TMC7: variants seen among roughly 807,000 people sequenced by gnomAD.
TMC7 encodes transmembrane channel like 7.
A neutral mutation model predicts 82.9 loss-of-function variants in TMC7; 54 were observed. That is an observed-to-expected ratio of 0.65 (90% confidence interval 0.52 to 0.82). The LOEUF is 0.82. TMC7 is among the 40% of genes least tolerant of loss of function. The probability of loss-of-function intolerance (pLI) is 0.00; values close to 1 mark genes in which losing one functional copy is unlikely to be tolerated. For synonymous variants in TMC7, 350 were observed against 337.9 expected, an observed-to-expected ratio of 1.04 and a Z score of -0.39; for missense variants, 820 against 901.2, an observed-to-expected ratio of 0.91 and a Z score of 1.15.
chr16:19,047,712 G>T (rs1205151667), intron 12 of TMC7, among the ~76,000 whole-genome samples: 2 of 44,548 alleles, frequency 4.5e-5, no homozygotes, highest in Admixed American at 4.2e-4. Flanking sequence ...ACTCTTGATG[G>T]ATTTTTTTTT....
intron 1 of TMC7, among the ~76,000 whole-genome samples, chr16:18,989,467 G>A (rs12931957): frequency 0.28 from 41,119 of 144,378 alleles, 6,273 homozygotes; most frequent in Non-Finnish European, 0.34. Flanking sequence ...ATAACTTTTC[G>A]GCCTCTGACC....
intron 1 of TMC7, chr16:18,984,623 T>A: frequency 1.5e-6 from 1 of 655,524 alleles, no homozygotes; most frequent in Non-Finnish European, 1.9e-6. Context: ...CCTTCAGCAG[T>A]AAAATGGGAA....
At chr16:19,013,761 C>T (rs1392625225) in intron 2 of TMC7, among the ~76,000 whole-genome samples, 3 of 151,870 alleles carry the variant, frequency 2.0e-5, no homozygotes, top group East Asian at 3.9e-4. Flanking sequence ...TCAGGTGATC[C>T]ATCTGCCTTG....
chr16:18,983,989 A>T lies in TMC7; in HGVS notation c.-75A>T. The T allele has an allele frequency of 7.5e-7, 1 of 1,331,238 alleles. No individual in the cohort carries two copies. The highest frequency in any genetic ancestry group is 1.8e-5 in the South Asian group (1 of 54,794). 82.5% of individuals were successfully genotyped at this position (1,331,238 alleles called of 1,614,324 possible). A position where few individuals can be genotyped will look rare whatever the true frequency, so the allele number is the denominator to read the frequency against. On this transcript the variant is annotated 5_prime_UTR_variant, in exon 1 of 16. The change creates a new upstream start codon in the 5' untranslated region. Coordinates refer to ENST00000304381, the MANE Select transcript of TMC7 (RefSeq NM_024847.4). ...CCTGGAATCCCGGCTCCGCGAGGGA[A>T]GGCCGGGGAGGCGGCGGCGGCGGCG...
chr16:19,032,156 A>C lies in TMC7; in HGVS notation c.857+1787A>C, dbSNP rs147066618. Among the ~76,000 whole-genome samples the C allele has an allele frequency of 7.9e-5, 12 of 152,326 alleles. No homozygotes were observed. In the East Asian group the frequency reaches 2.3e-3, roughly 29 times the overall value. On this transcript the variant is annotated intron_variant, in intron 6 of 15. Transcript: ENST00000304381. ...TGATTGTCCCTGTGAGAGCATGCACAGTGTTGTAAGCCATGGAGCTGTGAA... is the reference window on the plus strand; with the variant it reads ...TGATTGTCCCTGTGAGAGCATGCACCGTGTTGTAAGCCATGGAGCTGTGAA...
chr16:19,044,876 C>G lies in TMC7; in HGVS notation c.1338-8C>G. 6.2e-7 allele frequency: 1 copy of G among 1,611,208 alleles called. No homozygotes were observed. Among genetic ancestry groups the G allele is most frequent in the South Asian group, 1.1e-5 (1 of 91,008 alleles). The stretch of plus-strand genomic sequence containing the variant: ...ATCTTCCCATCCTCTCTCCTTCTCT[C>G]CCCGAAGGTGTGTCTTTATGCGGCT... On this transcript the variant is annotated splice_polypyrimidine_tract_variant and splice_region_variant and intron_variant, in intron 9 of 15. Coordinates refer to ENST00000304381, the MANE Select transcript of TMC7 (RefSeq NM_024847.4).
intron 7 of TMC7, among the ~76,000 whole-genome samples, chr16:19,037,472 CTT>C (rs57300199): frequency 3.1e-5 from 4 of 130,268 alleles, no homozygotes; most frequent in African/African-American, 1.1e-4. Flanking sequence ...TAAAAGATGT[CTT>C]TTTTTTTTTT....
intron 1 of TMC7, among the ~76,000 whole-genome samples, chr16:19,000,708 A>T (rs1266545882): frequency 6.6e-6 from 1 of 152,140 alleles, no homozygotes; most frequent in African/African-American, 2.4e-5. Flanking sequence ...ATTTTTTGCC[A>T]GCTTTTTTTA....
At chr16:18,988,918 C>A (rs2038900645) in intron 1 of TMC7, among the ~76,000 whole-genome samples, 1 of 152,042 alleles carries the variant, frequency 6.6e-6, no homozygotes, top group African/African-American at 2.4e-5. Context: ...AGTGTGGTGG[C>A]ACATGCCTGT....
At position 19,009,224 on chromosome 16, in the gene TMC7, C is replaced by T. The variant is rs147375289; in HGVS notation, c.120C>T (p.Leu40=). The T allele has an allele frequency of 7.0e-5, 113 of 1,614,200 alleles. No homozygotes were observed. The Admixed American group carries it at 1.6e-3, about 23-fold the overall frequency. ...SCFSSPPVNF[L]QELPSYRSIA... ...TCTCTTCTCCACCTGTGAACTTCCT[C>T]CAAGAATTGCCAAGCTACCGGTCCA... The change falls in exon 2 of 16, where the codon CTC becomes CTT. Residue 40 remains leucine (L), a synonymous_variant. Transcript: ENST00000304381.
chr16:19,031,021 C>T (rs189509231), intron 6 of TMC7, among the ~76,000 whole-genome samples: 5 of 152,246 alleles, frequency 3.3e-5, no homozygotes, highest in Admixed American at 1.3e-4. Flanking sequence ...TATTGAGTGG[C>T]TCACAGATCC....
intron 13 of TMC7, among the ~76,000 whole-genome samples, chr16:19,053,307 CT>C (rs11409750): frequency 4.0e-5 from 6 of 148,420 alleles, no homozygotes; most frequent in African/African-American, 7.4e-5. Context: ...CATTAATATT[CT>C]TTTTTTTTTC....
intron 1 of TMC7, among the ~76,000 whole-genome samples, chr16:18,985,894 C>T (rs1451730870): frequency 6.6e-6 from 1 of 151,886 alleles, no homozygotes; most frequent in Non-Finnish European, 1.5e-5. Flanking sequence ...TGTGACCAGG[C>T]ATGGTGACTC....
chr16:19,012,866 T>C (rs1171997784), intron 2 of TMC7, among the ~76,000 whole-genome samples: 1 of 151,680 alleles, frequency 6.6e-6, no homozygotes, highest in Non-Finnish European at 1.5e-5. Context: ...ATCATTCTTT[T>C]TTTTTTGAGA....
chr16:19,012,859 ATTCT>A (rs1380825298), intron 2 of TMC7, among the ~76,000 whole-genome samples: 1 of 143,550 alleles, frequency 7.0e-6, no homozygotes, highest in East Asian at 2.1e-4. Context: ...AGAAAGGATC[ATTCT>A]TTTTTTTTTG....
chr16:19,054,327 C>G (rs1961670705), intron 13 of TMC7, among the ~76,000 whole-genome samples: 2 of 152,112 alleles, frequency 1.3e-5, no homozygotes. Flanking sequence ...TAACATTTTA[C>G]TATGCAGTCT....
At chr16:19,058,896 T>C (rs1380646471) in intron 14 of TMC7, among the ~76,000 whole-genome samples, 1 of 151,966 alleles carries the variant, frequency 6.6e-6, no homozygotes. Flanking sequence ...TCCTTTTTTT[T>C]AGACGGAGGC....
chr16:19,000,543 T>C (rs185725936), intron 1 of TMC7, among the ~76,000 whole-genome samples: 107 of 152,344 alleles, frequency 7.0e-4, no homozygotes, highest in African/African-American at 2.5e-3. Context: ...GATTGATATC[T>C]ACATCGACTT....
At chr16:19,058,754 G>A (rs1028459535) in intron 14 of TMC7, among the ~76,000 whole-genome samples, 8 of 152,266 alleles carry the variant, frequency 5.3e-5, no homozygotes, top group South Asian at 2.1e-4. Flanking sequence ...TGCCCAGTCT[G>A]GAGTATGGTA....
Sources: allele counts gnomAD v4.1 joint callset (sites outside exome capture counted in the v4.1 genomes callset), GRCh38; gene constraint gnomAD v4.1.1; transcripts MANE v1.5; gene names NCBI Gene and HGNC (gene_info 2026-07-23, HGNC 2026-07-21).